AFG1L: variants seen among roughly 807,000 people sequenced by gnomAD.
AFG1L encodes the protein AFG1 like ATPase.
AFG1L carries 53 observed loss-of-function variants against 62.2 expected under a neutral mutation model. The observed-to-expected ratio is 0.85, with a 90% CI of 0.68 to 1.07. The LOEUF (loss-of-function observed/expected upper bound fraction) is 1.07. AFG1L is among the 50% of genes least tolerant of loss of function. The probability of loss-of-function intolerance (pLI) is 0.00; values close to 1 mark genes in which losing one functional copy is unlikely to be tolerated. For missense variants in AFG1L, 555 were observed against 590.5 expected, an observed-to-expected ratio of 0.94 and a Z score of 0.62; for synonymous variants, 228 against 210.3, an observed-to-expected ratio of 1.08 and a Z score of -0.73.
chr6:108,456,905 G>A (rs1371568934), intron 8 of AFG1L, among the ~76,000 whole-genome samples: 1 of 152,084 alleles, frequency 6.6e-6, no homozygotes, highest in Non-Finnish European at 1.5e-5. Flanking sequence ...ACAGTAAAAT[G>A]CTGTATAGGT....
At chr6:108,388,671 A>G (rs1276932264) in intron 6 of AFG1L, among the ~76,000 whole-genome samples, 1 of 150,512 alleles carries the variant, frequency 6.6e-6, no homozygotes, top group Non-Finnish European at 1.5e-5. Flanking sequence ...TTCAGTTTCC[A>G]TGTAGTTGAG....
chr6:108,503,100 C>G lies in AFG1L; in HGVS notation c.1063-7112C>G, dbSNP rs1175753091. On this transcript the variant is annotated intron_variant, in intron 10 of 12. Coordinates refer to ENST00000368977, the MANE Select transcript of AFG1L (RefSeq NM_145315.5). ...TCTCTACCACATCTGCAGTTACTTC[C>G]TCTTGAACCTCTCCAAGTCATCCAT... 3.3e-5 allele frequency among the ~76,000 whole-genome samples: 5 copies of G among 152,192 alleles called. No homozygotes were observed. The East Asian group carries it at 9.6e-4, about 29-fold the overall frequency.
chr6:108,369,656 C>T (rs369983713), intron 6 of AFG1L, among the ~76,000 whole-genome samples: 1 of 152,002 alleles, frequency 6.6e-6, no homozygotes, highest in East Asian at 1.9e-4. Context: ...GTCGCCCAGA[C>T]TGGGGTGCAG....
At chr6:108,307,307 C>T (rs776349209) in intron 1 of AFG1L, among the ~76,000 whole-genome samples, 17 of 152,052 alleles carry the variant, frequency 1.1e-4, no homozygotes, top group South Asian at 6.2e-4. Context: ...CCACCGCATA[C>T]GGCCTAAAAA....
At chr6:108,495,241 T>G (rs946230599) in intron 10 of AFG1L, among the ~76,000 whole-genome samples, 5 of 152,354 alleles carry the variant, frequency 3.3e-5, no homozygotes, top group Admixed American at 3.3e-4. Flanking sequence ...TATGAAGTAT[T>G]GTCATTGCCA....
In AFG1L at chr6:108,347,006, C is replaced by T; in HGVS notation, c.382C>T (p.Pro128Ser). 6.2e-7 allele frequency: 1 copy of T among 1,613,136 alleles called. No individual in the cohort carries two copies. The highest frequency in any genetic ancestry group is 8.5e-7 in the Non-Finnish European group (1 of 1,179,406). ...TTTGCAGCTTTTTTCAAGGAGCAAA[C>T]CTCCAAGGGGCCTGTATGTTTATGG... is the stretch of plus-strand genomic sequence containing the variant. ...LFSKLFSRSK[P>S]PRGLYVYGDV... Residue 128 changes from proline to serine, a missense_variant, in exon 3 of 13, where the codon CCT becomes TCT. Physicochemically the swap from Pro to Ser is moderately conservative, Grantham distance 74. Transcript: ENST00000368977.
intron 11 of AFG1L, 148 bp downstream of exon 11, chr6:108,510,500 ATAT>A (rs1200022062): frequency 5.3e-5 from 34 of 643,048 alleles, no homozygotes; most frequent in Non-Finnish European, 5.7e-5. Flanking sequence ...GGGGATGATA[ATAT>A]TATTTACTTC....
At chr6:108,317,652 T>A (rs1352369064) in intron 1 of AFG1L, among the ~76,000 whole-genome samples, 1 of 152,192 alleles carries the variant, frequency 6.6e-6, no homozygotes, top group Non-Finnish European at 1.5e-5. Context: ...TCTCATAATT[T>A]TATTCTTGTA....
chr6:108,297,433 TAGTTG>T (rs920040835), intron 1 of AFG1L, among the ~76,000 whole-genome samples: 1 of 152,210 alleles, frequency 6.6e-6, no homozygotes, highest in African/African-American at 2.4e-5. Context: ...AGGAAAATTT[TAGTTG>T]AAATTTTGTT....
At chr6:108,426,769 A>G (rs1316673137) in intron 7 of AFG1L, among the ~76,000 whole-genome samples, 2 of 152,038 alleles carry the variant, frequency 1.3e-5, no homozygotes, top group African/African-American at 4.8e-5. Flanking sequence ...AAATGCCAAC[A>G]TCACATAAAT....
intron 6 of AFG1L, among the ~76,000 whole-genome samples, chr6:108,370,393 G>A (rs1420490016): frequency 6.6e-6 from 1 of 151,992 alleles, no homozygotes; most frequent in African/African-American, 2.4e-5. Context: ...AAGGGTATAA[G>A]GCAGTGATTT....
At chr6:108,491,446 T>C (rs1026606215) in intron 10 of AFG1L, among the ~76,000 whole-genome samples, 1 of 152,166 alleles carries the variant, frequency 6.6e-6, no homozygotes, top group Non-Finnish European at 1.5e-5. Context: ...TAGATTCTTA[T>C]ATCCAAGCTG....
At chr6:108,507,955 T>C (rs753514551) in intron 10 of AFG1L, among the ~76,000 whole-genome samples, 33 of 152,174 alleles carry the variant, frequency 2.2e-4, no homozygotes, top group Admixed American at 1.2e-3. Context: ...CATACTCAAT[T>C]CATTTGTACT....
intron 1 of AFG1L, among the ~76,000 whole-genome samples, chr6:108,314,248 A>T (rs779876236): frequency 8.5e-5 from 13 of 152,128 alleles, no homozygotes; most frequent in Non-Finnish European, 1.6e-4. Context: ...AGAAAAAAAA[A>T]GATAAGAAAA....
At chr6:108,439,809 T>G (rs1449177838) in intron 7 of AFG1L, among the ~76,000 whole-genome samples, 1 of 152,182 alleles carries the variant, frequency 6.6e-6, no homozygotes, top group Admixed American at 6.5e-5. Context: ...ACTTTAAATA[T>G]GACTCAAACA....
intron 6 of AFG1L, among the ~76,000 whole-genome samples, chr6:108,366,745 C>T (rs1197446837): frequency 6.6e-6 from 1 of 152,072 alleles, no homozygotes; most frequent in Admixed American, 6.6e-5. Flanking sequence ...TAATACTTCA[C>T]TTAAATTATC....
chr6:108,475,736 A>G lies in AFG1L; in HGVS notation c.891-1129A>G, dbSNP rs1365090157. On this transcript the variant is annotated intron_variant, in intron 8 of 12. Transcript: ENST00000368977. ...ATGTGACAATTTCAAACTTTTCATA[A>G]TAACTATATGCTTTGTTGCATTTTA... 2.0e-5 allele frequency among the ~76,000 whole-genome samples: 3 copies of G among 152,334 alleles called. No individual in the cohort carries two copies. In the South Asian group the frequency reaches 6.2e-4, roughly 32 times the overall value.
rs1582428216 is a variant in AFG1L, at chr6:108,356,549, A to G, written c.518-141A>G. ...TGTAGAGAAAATGCAAACAATTTCA[A>G]TGATCAAATTTGATTTTACATGGAG... On this transcript the variant is annotated intron_variant, in intron 4 of 12. Coordinates refer to ENST00000368977, the MANE Select transcript of AFG1L (RefSeq NM_145315.5). 3.0e-5 allele frequency: 16 copies of G among 526,232 alleles called. No individual in the cohort carries two copies. In the East Asian group the frequency reaches 4.4e-4, roughly 14 times the overall value. 32.6% of individuals were successfully genotyped at this position (526,232 alleles called of 1,614,324 possible). A position where few individuals can be genotyped will look rare whatever the true frequency, so the allele number is the denominator to read the frequency against.
chr6:108,498,569 C>T (rs2114869921), intron 10 of AFG1L, among the ~76,000 whole-genome samples: 1 of 152,232 alleles, frequency 6.6e-6, no homozygotes, highest in Non-Finnish European at 1.5e-5. Context: ...ATGTGATACA[C>T]AGGGTTATGT....
Sources: gnomAD v4.1 joint callset for allele counts (sites outside exome capture counted in the v4.1 genomes callset) on GRCh38, gnomAD v4.1.1 for gene constraint, MANE v1.5 for transcripts, NCBI Gene and HGNC (gene_info 2026-07-23, HGNC 2026-07-21) for gene names.